The following NIPAL1 variants were observed in gnomAD, a reference collection of about 807,000 sequenced individuals.
The protein encoded by NIPAL1 is NIPA like domain containing 1.
In NIPAL1, 35 loss-of-function variants were observed where a neutral mutation model predicts 37.7. The observed-to-expected ratio is 0.93, with a 90% CI of 0.71 to 1.23. The LOEUF is 1.23. Among genes scored for constraint, NIPAL1 ranks in the 50% most tolerant of loss-of-function variants. The probability of loss-of-function intolerance (pLI) is 0.00; values close to 1 mark genes in which losing one functional copy is unlikely to be tolerated. For missense variants in NIPAL1, 412 were observed against 473.9 expected (o/e 0.87, Z 1.21); for synonymous variants, 162 against 183.0 (o/e 0.89, Z 0.93).
intron 2 of NIPAL1, among the ~76,000 whole-genome samples, chr4:48,026,333 A>G (rs1333115176): frequency 1.3e-5 from 2 of 152,190 alleles, no homozygotes; most frequent in Admixed American, 6.6e-5. Flanking sequence ...CATCAAGTGT[A>G]CTATAAGATC....
In NIPAL1 at chr4:48,035,882, A is replaced by T. The variant is rs563604372; in HGVS notation, c.943A>T (p.Thr315Ser). 406 of 1,613,974 alleles carry T rather than the reference A, an allele frequency of 2.5e-4. 4 individuals are homozygous for T. The South Asian group carries it at 4.1e-3, about 16-fold the overall frequency. The change falls in exon 6 of 6, where the codon ACA becomes TCA. Residue 315 changes from threonine to serine, a missense_variant. Transcript: ENST00000295461. Reference protein sequence around the residue: ...LVTPIYYVFFTSMVVTCSAIL... With the variant: ...LVTPIYYVFFSSMVVTCSAIL... ...GACACCCATTTATTATGTATTCTTCACATCCATGGTAGTGACTTGCTCTGC... is the reference window on the plus strand; with the variant it reads ...GACACCCATTTATTATGTATTCTTCTCATCCATGGTAGTGACTTGCTCTGC...
chr4:48,022,516 T>G (rs1715595016), intron 1 of NIPAL1, among the ~76,000 whole-genome samples: 1 of 152,112 alleles, frequency 6.6e-6, no homozygotes, highest in Non-Finnish European at 1.5e-5. Flanking sequence ...ATCAACAGCT[T>G]AGAAGGAATA....
rs1169840549 is a variant in NIPAL1 at position 48,033,071 on chromosome 4, G to A, written c.449G>A (p.Ser150Asn). Residue 150 changes from serine to asparagine, a missense_variant, in exon 4 of 6, where the codon AGT becomes AAT. Physicochemically the swap from Ser to Asn is conservative, Grantham distance 46. Coordinates refer to ENST00000295461, the MANE Select transcript of NIPAL1 (RefSeq NM_207330.3). The part of the protein sequence containing the change: ...ATLVTPLGAL[S>N]VLISAILSSY... ...TTGGTCACCCCTCTGGGTGCTTTGAGTGTTCTCATAAGGTATGTGAGCAAC... is the reference window on the plus strand; with the variant it reads ...TTGGTCACCCCTCTGGGTGCTTTGAATGTTCTCATAAGGTATGTGAGCAAC... 6.2e-7 allele frequency: 1 copy of A among 1,612,246 alleles called. No individual in the cohort carries two copies. The highest frequency in any genetic ancestry group is 1.1e-5 in the South Asian group (1 of 90,964).
At chr4:48,026,148 T>C (rs1008482137) in intron 2 of NIPAL1, among the ~76,000 whole-genome samples, 2 of 152,176 alleles carry the variant, frequency 1.3e-5, no homozygotes, top group Non-Finnish European at 2.9e-5. Flanking sequence ...TGCTTATTGA[T>C]AGTAGATTCT....
At chr4:48,021,891 A>G (rs201733755) in intron 1 of NIPAL1, among the ~76,000 whole-genome samples, 17 of 6,556 alleles carry the variant, frequency 2.6e-3, no homozygotes, top group African/African-American at 4.3e-3. Flanking sequence ...ATTGGTGTGT[A>G]TATATATATA....
rs896467130 is a variant in NIPAL1 at position 48,036,294 on chromosome 4, G to A, written c.*122G>A. The A allele has an allele frequency of 3.3e-6, 3 of 907,892 alleles. No individual in the cohort carries two copies. The highest frequency in any genetic ancestry group is 2.8e-5 in the Admixed American group (1 of 36,082). 56.2% of individuals were successfully genotyped at this position (907,892 alleles called of 1,614,324 possible). ...TTGCAGTTCTAACTAATTTAGATGT[G>A]AGGCCAAGTAAAAATGCCATTTTTT... On this transcript the variant is annotated 3_prime_UTR_variant, in exon 6 of 6. Coordinates refer to ENST00000295461, the MANE Select transcript of NIPAL1 (RefSeq NM_207330.3).
At chr4:48,018,853 T>C (rs946127196) in intron 1 of NIPAL1, among the ~76,000 whole-genome samples, 1 of 152,090 alleles carries the variant, frequency 6.6e-6, no homozygotes, top group Non-Finnish European at 1.5e-5. Context: ...ATAGCAGTAA[T>C]GTATCAAGAG....
At chr4:48,018,822 G>A (rs992865140) in intron 1 of NIPAL1, among the ~76,000 whole-genome samples, 3 of 152,120 alleles carry the variant, frequency 2.0e-5, no homozygotes, top group Admixed American at 6.5e-5. Flanking sequence ...AAGAAACAAA[G>A]TAATTTAAAA....
chr4:48,021,763 A>C (rs1345190352), intron 1 of NIPAL1, among the ~76,000 whole-genome samples: 1 of 152,138 alleles, frequency 6.6e-6, no homozygotes, highest in East Asian at 1.9e-4. Flanking sequence ...AGGCAAAAGC[A>C]TTTTCAAGAT....
chr4:48,022,627 A>G lies in NIPAL1; in HGVS notation c.47-2441A>G, dbSNP rs563401227. Among the ~76,000 whole-genome samples the G allele has an allele frequency of 1.7e-4, 26 of 152,346 alleles. No individual in the cohort carries two copies. The South Asian group carries it at 5.2e-3, about 30-fold the overall frequency. On this transcript the variant is annotated intron_variant, in intron 1 of 5. Transcript: ENST00000295461. ...TAAATGACATGAATGCAGCCATGGA[A>G]TTCACTGGTAAGTCAGGTCCGATGT...
rs1715945468 is a variant in NIPAL1, at chr4:48,036,322, G to A, written c.*150G>A. The A allele has an allele frequency of 3.0e-6, 2 of 661,202 alleles. No homozygotes were observed. Among genetic ancestry groups the A allele is most frequent in the Admixed American group, 3.2e-5 (1 of 31,544 alleles). The allele number at this position is 661,202 out of a possible 1,614,324, so 41.0% of individuals were successfully genotyped here. On this transcript the variant is annotated 3_prime_UTR_variant, in exon 6 of 6. Coordinates refer to ENST00000295461, the MANE Select transcript of NIPAL1 (RefSeq NM_207330.3). ...GCCAAGTAAAAATGCCATTTTTTTG[G>A]CCATTGAATTTGAAAATCAAATTGA...
intron 1 of NIPAL1, 29 bp downstream of exon 1, chr4:48,016,914 TG>T: frequency 6.3e-7 from 1 of 1,582,704 alleles, no homozygotes. Flanking sequence ...CCGAGGGACC[TG>T]GCAGCTGGGT....
In NIPAL1 at chr4:48,037,126, C is replaced by G; in HGVS notation, c.*954C>G. The G allele has an allele frequency of 4.3e-6, 1 of 230,244 alleles. No homozygotes were observed. The highest frequency in any genetic ancestry group is 8.9e-6 in the Non-Finnish European group (1 of 112,238). The allele number at this position is 230,244 out of a possible 1,614,324, so 14.3% of individuals were successfully genotyped here. A position where few individuals can be genotyped will look rare whatever the true frequency, so the allele number is the denominator to read the frequency against. ...TGGGCTAGAATACACAAGACATACC[C>G]ACCCATGAAGAGTTTATGAATTGTA... On this transcript the variant is annotated 3_prime_UTR_variant, in exon 6 of 6. Coordinates refer to ENST00000295461, the MANE Select transcript of NIPAL1 (RefSeq NM_207330.3).
intron 1 of NIPAL1, among the ~76,000 whole-genome samples, chr4:48,023,844 T>C (rs1280674799): frequency 6.6e-6 from 1 of 152,136 alleles, no homozygotes; most frequent in Non-Finnish European, 1.5e-5. Flanking sequence ...TAGGACAAAG[T>C]GGATTAACAG....
intron 2 of NIPAL1, among the ~76,000 whole-genome samples, chr4:48,026,885 A>G (rs1379539816): frequency 2.0e-5 from 3 of 151,774 alleles, no homozygotes; most frequent in Non-Finnish European, 4.4e-5. Flanking sequence ...CGCCCAGCTA[A>G]TTTTGTATTT....
intron 1 of NIPAL1, among the ~76,000 whole-genome samples, chr4:48,019,743 A>G (rs1715530594): frequency 6.6e-6 from 1 of 152,128 alleles, no homozygotes; most frequent in Non-Finnish European, 1.5e-5. Flanking sequence ...TCGGAATGAG[A>G]AGGGAAGCCC....
At chr4:48,030,457 G>A (rs933558601) in intron 3 of NIPAL1, among the ~76,000 whole-genome samples, 8 of 152,100 alleles carry the variant, frequency 5.3e-5, no homozygotes, top group Non-Finnish European at 2.9e-5. Flanking sequence ...CAGACTTCTT[G>A]TATTTTCTTC....
At chr4:48,024,955 G>A (rs1715653240) in intron 1 of NIPAL1, 113 bp from the exon 2 acceptor site, 3 of 876,196 alleles carry the variant, frequency 3.4e-6, no homozygotes, top group Non-Finnish European at 5.4e-6. Context: ...TTCCCTACAT[G>A]TAGTAAAATG....
chr4:48,026,978 A>G (rs1260365268), intron 2 of NIPAL1, among the ~76,000 whole-genome samples: 2 of 152,066 alleles, frequency 1.3e-5, no homozygotes, highest in Non-Finnish European at 2.9e-5. Context: ...TCGGCCTCCC[A>G]AAGTGCTGGG....
Sources: allele counts gnomAD v4.1 joint callset (sites outside exome capture counted in the v4.1 genomes callset), GRCh38; gene constraint gnomAD v4.1.1; transcripts MANE v1.5; gene names NCBI Gene and HGNC (gene_info 2026-07-23, HGNC 2026-07-21).